The following VPS13D variants were observed in gnomAD, a reference collection of about 807,000 sequenced individuals.
VPS13D encodes the protein intermembrane lipid transfer protein VPS13D.
In VPS13D, 187 loss-of-function variants were observed where a neutral mutation model predicts 461.9. The ratio of observed to expected loss-of-function variants is 0.40; its 90% CI spans 0.36 to 0.46. The LOEUF is 0.46. Ranked by LOEUF, VPS13D falls within the 20% of genes least tolerant of loss-of-function variation. The pLI is 0.60. For missense variants in VPS13D, 4,711 were observed against 5,364.9 expected (o/e 0.88, Z 3.81); for synonymous variants, 1,951 against 1,986.3 (o/e 0.98, Z 0.47).
At position 12,276,516 on chromosome 1, in the gene VPS13D, T is replaced by C; in HGVS notation, c.2928T>C (p.Ser976=). 2 of 1,614,210 alleles carry C rather than the reference T, an allele frequency of 1.2e-6. No homozygotes were observed. Among genetic ancestry groups the C allele is most frequent in the Non-Finnish European group, 8.5e-7 (1 of 1,180,042 alleles). Residue 976 remains serine (S), a synonymous_variant, in exon 19 of 70, where the codon TCT becomes TCC. Coordinates refer to ENST00000620676, the MANE Select transcript of VPS13D (RefSeq NM_015378.4). This position sits in a 1 kb window ranked among gnomAD's most constrained non-coding sequence, Gnocchi z 4.5. Reference sequence around the variant, plus strand: ...TTGAGAGCAATGGCCGGTACATTTCTGTGCTCAAGGTGTTTGGTACCAATG... The same window carrying C: ...TTGAGAGCAATGGCCGGTACATTTCCGTGCTCAAGGTGTTTGGTACCAATG... ...LGVESNGRYI[S]VLKVFGTNAH... is the part of the protein sequence containing the mutation.
intron 2 of VPS13D, among the ~76,000 whole-genome samples, chr1:12,234,666 TGTACC>T (rs768959223): frequency 2.4e-4 from 36 of 152,240 alleles, no homozygotes; most frequent in Non-Finnish European, 4.4e-4. Flanking sequence ...GCAGCCACAA[TGTACC>T]GACAGTGGCA....
chr1:12,391,458 T>A (rs1288949803), intron 60 of VPS13D, among the ~76,000 whole-genome samples: 1 of 152,068 alleles, frequency 6.6e-6, no homozygotes, highest in Non-Finnish European at 1.5e-5. Flanking sequence ...TGTAACTTAC[T>A]TGTGCCTTCA....
intron 39 of VPS13D, chr1:12,338,019 C>A: frequency 4.6e-6 from 2 of 436,338 alleles, no homozygotes; most frequent in Non-Finnish European, 8.3e-6. Flanking sequence ...TTACTTTGAT[C>A]CAGCCTCCAC....
At chr1:12,312,388 G>A (rs986298405) in intron 29 of VPS13D, among the ~76,000 whole-genome samples, 2 of 152,236 alleles carry the variant, frequency 1.3e-5, no homozygotes, top group Non-Finnish European at 2.9e-5. Flanking sequence ...CTGTCTTGCT[G>A]TGTGTCTGAG....
chr1:12,309,651 A>G (rs951428140), intron 27 of VPS13D, among the ~76,000 whole-genome samples: 1 of 151,338 alleles, frequency 6.6e-6, no homozygotes, highest in African/African-American at 2.4e-5. Flanking sequence ...AATCCCAGCT[A>G]CCGGGAAGGC....
At chr1:12,341,257 C>T (rs1643561905) in intron 40 of VPS13D, among the ~76,000 whole-genome samples, 1 of 152,138 alleles carries the variant, frequency 6.6e-6, no homozygotes, top group Non-Finnish European at 1.5e-5. Context: ...CTACTTCTGC[C>T]TTTCCAGGGA....
chr1:12,333,955 A>G (rs1643390779), intron 38 of VPS13D, among the ~76,000 whole-genome samples: 1 of 152,236 alleles, frequency 6.6e-6, no homozygotes, highest in Non-Finnish European at 1.5e-5. Flanking sequence ...TAATCATACA[A>G]TCAAGTAGTG....
At chr1:12,329,960 A>C (rs772581580) in intron 37 of VPS13D, 42 bp downstream of exon 37, 11 of 1,354,176 alleles carry the variant, frequency 8.1e-6, no homozygotes, top group Middle Eastern at 2.1e-4. Context: ...TAAAAAATAA[A>C]TTTAAATGTT....
chr1:12,262,103 C>A (rs750851184), intron 13 of VPS13D, 23 bp downstream of exon 13: 9 of 1,592,164 alleles, frequency 5.7e-6, no homozygotes, highest in Admixed American at 1.7e-5. Flanking sequence ...CAAGAAACTA[C>A]CTGCCACTGT....
chr1:12,376,555 C>A (rs1429763869), intron 55 of VPS13D, among the ~76,000 whole-genome samples: 1 of 152,168 alleles, frequency 6.6e-6, no homozygotes, highest in Non-Finnish European at 1.5e-5. Context: ...GTTGACAGAT[C>A]AGGAAACGGA....
chr1:12,506,208 C>T (rs1438879199), intron 68 of VPS13D, among the ~76,000 whole-genome samples: 1 of 152,232 alleles, frequency 6.6e-6, no homozygotes, highest in African/African-American at 2.4e-5. Flanking sequence ...TAAATTTCCA[C>T]TTTGAATGTG....
At chr1:12,354,445 G>C (rs1039879279) in intron 47 of VPS13D, among the ~76,000 whole-genome samples, 6 of 152,068 alleles carry the variant, frequency 3.9e-5, no homozygotes, top group Non-Finnish European at 8.8e-5. Context: ...GAGGCGGGAA[G>C]ATTACTTGAG....
chr1:12,421,454 G>A (rs1401732313), intron 65 of VPS13D, among the ~76,000 whole-genome samples: 3 of 152,214 alleles, frequency 2.0e-5, no homozygotes, highest in Non-Finnish European at 4.4e-5. Context: ...GTCATGTGAA[G>A]AATATCTGCA....
At chr1:12,316,765 G>T (rs933963274) in intron 30 of VPS13D, among the ~76,000 whole-genome samples, 1 of 152,088 alleles carries the variant, frequency 6.6e-6, no homozygotes, top group Non-Finnish European at 1.5e-5. Flanking sequence ...CCCCAGAGTC[G>T]CTTTTGGGCT....
chr1:12,342,343 T>C (rs1028541072), intron 41 of VPS13D, among the ~76,000 whole-genome samples: 1 of 152,138 alleles, frequency 6.6e-6, no homozygotes, highest in East Asian at 1.9e-4. Flanking sequence ...TGGAATTGGG[T>C]GGAGTTTGGA....
chr1:12,434,972 A>G (rs1645040549), intron 65 of VPS13D, among the ~76,000 whole-genome samples: 1 of 152,212 alleles, frequency 6.6e-6, no homozygotes, highest in Non-Finnish European at 1.5e-5. Context: ...GTTGACCAGT[A>G]GGCTTGTCAG....
At chr1:12,489,917 C>T (rs1005730479) in intron 67 of VPS13D, among the ~76,000 whole-genome samples, 1 of 152,196 alleles carries the variant, frequency 6.6e-6, no homozygotes, top group Non-Finnish European at 1.5e-5. Context: ...GGGATTCAAA[C>T]CCACTGGGCA....
At chr1:12,398,868 T>C (rs1371356369) in intron 60 of VPS13D, among the ~76,000 whole-genome samples, 1 of 152,226 alleles carries the variant, frequency 6.6e-6, no homozygotes, top group African/African-American at 2.4e-5. Flanking sequence ...GATAGCATAG[T>C]GTTTAGGAGT....
In VPS13D at chr1:12,329,938, TATC is replaced by T. The variant is rs764733750; in HGVS notation, c.8287+23_8287+25del. 6.3e-7 allele frequency: 1 copy of T among 1,593,112 alleles called. No individual in the cohort carries two copies. The highest frequency in any genetic ancestry group is 1.7e-5 in the Admixed American group (1 of 57,574). On this transcript the variant is annotated intron_variant, in intron 37 of 69. Transcript: ENST00000620676. Reference sequence around the variant, plus strand: ...TTTCAGGTCAGTATAAAGCATATGTTATCATGGGATTTAAAAAATAAATTTAAA... The same window carrying T: ...TTTCAGGTCAGTATAAAGCATATGTTATGGGATTTAAAAAATAAATTTAAA...
Sources: gnomAD v4.1 joint callset for allele counts (sites outside exome capture counted in the v4.1 genomes callset) on GRCh38, gnomAD v4.1.1 for gene constraint, Gnocchi (gnomAD v3.1) non-coding constraint, MANE v1.5 for transcripts, NCBI Gene and HGNC (gene_info 2026-07-23, HGNC 2026-07-21) for gene names.